ADAMTS9: variants seen among roughly 807,000 people sequenced by gnomAD.
ADAMTS9 encodes the protein ADAM metallopeptidase with thrombospondin type 1 motif 9, also known as A disintegrin and metalloproteinase with thrombospondin motifs 9.
Under a neutral mutation model 257.1 loss-of-function variants are expected in ADAMTS9, and 107 were observed. The ratio of observed to expected loss-of-function variants is 0.42; its 90% CI spans 0.36 to 0.49. The LOEUF (loss-of-function observed/expected upper bound fraction) is 0.49. Ranked by LOEUF, ADAMTS9 falls within the 20% of genes least tolerant of loss-of-function variation. ADAMTS9 has a pLI of 0.03. For missense variants in ADAMTS9, 2,353 were observed against 2,469.1 expected (o/e 0.95, Z 1.00); for synonymous variants, 982 against 880.9 (o/e 1.11, Z -2.03).
At chr3:64,582,752 A>G (rs1245250594) in intron 28 of ADAMTS9, 1 of 152,202 alleles carries the variant, frequency 6.6e-6, no homozygotes. Context: ...AAATATGAAT[A>G]GTGCCAAGGT....
chr3:64,573,702 T>C (rs569025484), intron 28 of ADAMTS9, among the ~76,000 whole-genome samples: 70 of 152,320 alleles, frequency 4.6e-4, no homozygotes, highest in African/African-American at 1.6e-3. Flanking sequence ...ATCTGGAAAG[T>C]ATGTCATCAG....
At chr3:64,543,015 G>C (rs1237272813) in intron 32 of ADAMTS9, among the ~76,000 whole-genome samples, 3 of 152,168 alleles carry the variant, frequency 2.0e-5, no homozygotes, top group Non-Finnish European at 4.4e-5. Flanking sequence ...AGAAAATCTA[G>C]AAGGAATGGA....
intron 36 of ADAMTS9, 65 bp from the exon 37 acceptor site, chr3:64,539,359 C>A: frequency 5.9e-6 from 8 of 1,350,760 alleles, no homozygotes; most frequent in Non-Finnish European, 8.5e-6. Context: ...AAGGAAGGAA[C>A]AGGACATTAA....
At chr3:64,550,676 G>T in intron 31 of ADAMTS9, 1 of 578,806 alleles carries the variant, frequency 1.7e-6, no homozygotes. Flanking sequence ...GACCTGAAGG[G>T]ACTTAGAGAC....
At chr3:64,663,627 G>T (rs1014986096) in intron 3 of ADAMTS9, among the ~76,000 whole-genome samples, 1 of 151,968 alleles carries the variant, frequency 6.6e-6, no homozygotes. Context: ...ATCAGAAAAA[G>T]GCTACAATTT....
intron 8 of ADAMTS9, among the ~76,000 whole-genome samples, chr3:64,653,297 G>A (rs931798442): frequency 3.3e-5 from 5 of 152,230 alleles, no homozygotes; most frequent in Non-Finnish European, 7.3e-5. Flanking sequence ...TAGAGACGAT[G>A]CTGACTAAGC....
In ADAMTS9 at chr3:64,594,447, A is replaced by G. The variant is rs2084324031; in HGVS notation, c.4180-13T>C. On this transcript the variant is annotated splice_polypyrimidine_tract_variant and intron_variant, in intron 27 of 39. Transcript: ENST00000498707. Reference sequence around the variant, plus strand: ...ACAGCTTAGTGCACTGGAAGAAGGAAAAGGAAGGCTGCAGTTATTTTGTCT... The same window carrying G: ...ACAGCTTAGTGCACTGGAAGAAGGAGAAGGAAGGCTGCAGTTATTTTGTCT... 1 of 1,604,984 alleles carries G rather than the reference A, an allele frequency of 6.2e-7. No homozygotes were observed.
chr3:64,619,360 G>C (rs1337466087), intron 19 of ADAMTS9, among the ~76,000 whole-genome samples: 1 of 152,092 alleles, frequency 6.6e-6, no homozygotes, highest in Non-Finnish European at 1.5e-5. Flanking sequence ...ACCCAGAATA[G>C]AATCCATGAG....
At chr3:64,546,008 T>C (rs567060010) in intron 32 of ADAMTS9, among the ~76,000 whole-genome samples, 2 of 152,330 alleles carry the variant, frequency 1.3e-5, no homozygotes, top group Non-Finnish European at 2.9e-5. Flanking sequence ...CCCAGTGCAA[T>C]GAAGTATTTC....
chr3:64,628,494 C>T (rs1378693978), intron 16 of ADAMTS9, among the ~76,000 whole-genome samples: 1 of 152,206 alleles, frequency 6.6e-6, no homozygotes. Context: ...AGTAAGGACA[C>T]TGCAGCCACA....
intron 16 of ADAMTS9, among the ~76,000 whole-genome samples, chr3:64,629,638 A>C (rs916050313): frequency 6.6e-6 from 1 of 152,228 alleles, no homozygotes; most frequent in African/African-American, 2.4e-5. Flanking sequence ...TTATCACTAT[A>C]ACACTATGGA....
intron 32 of ADAMTS9, among the ~76,000 whole-genome samples, chr3:64,543,828 G>A (rs1416358730): frequency 6.6e-6 from 1 of 152,188 alleles, no homozygotes; most frequent in Non-Finnish European, 1.5e-5. Flanking sequence ...AAGTCCAATT[G>A]TCCCTCTTTG....
chr3:64,561,402 A>G (rs550585795), intron 30 of ADAMTS9, 176 bp downstream of exon 30: 1 of 551,008 alleles, frequency 1.8e-6, no homozygotes, highest in East Asian at 3.2e-5. Flanking sequence ...AAAAACAAGA[A>G]GTTCTCCCAC....
chr3:64,528,243 G>A (rs1222752515), intron 38 of ADAMTS9, among the ~76,000 whole-genome samples: 1 of 152,180 alleles, frequency 6.6e-6, no homozygotes, highest in Non-Finnish European at 1.5e-5. Flanking sequence ...CTACCTGGAA[G>A]AGACCAAAAT....
intron 6 of ADAMTS9, among the ~76,000 whole-genome samples, chr3:64,655,301 T>A (rs1298887358): frequency 1.3e-5 from 2 of 152,138 alleles, no homozygotes; most frequent in African/African-American, 4.8e-5. Context: ...TCAACCAAGG[T>A]GATTCTGCCC....
chr3:64,602,111 G>T lies in ADAMTS9; in HGVS notation c.3850C>A (p.Pro1284Thr). 1 of 1,614,074 alleles carries T rather than the reference G, an allele frequency of 6.2e-7. No homozygotes were observed. The highest frequency in any genetic ancestry group is 8.5e-7 in the Non-Finnish European group (1 of 1,179,992). Residue 1284 changes from proline (P) to threonine (T), a missense_variant, in exon 26 of 40, where the codon CCA (proline) becomes ACA (threonine). By Grantham distance (38) the Pro-to-Thr change is conservative (BLOSUM62 -1). Coordinates refer to ENST00000498707, the MANE Select transcript of ADAMTS9 (RefSeq NM_182920.2). ...DRSECDQDYIPETDQDCSMSP... is the reference protein window; with the variant it reads ...DRSECDQDYITETDQDCSMSP... ...ATGGAACAGTCCTGGTCAGTTTCTG[G>T]GATATAATCCTGGTCACACTCACTC...
At chr3:64,546,185 T>C (rs1369377729) in intron 32 of ADAMTS9, among the ~76,000 whole-genome samples, 2 of 152,214 alleles carry the variant, frequency 1.3e-5, no homozygotes, top group East Asian at 1.9e-4. Flanking sequence ...TTTTTATATA[T>C]AGGCTGAGTA....
chr3:64,558,988 G>A (rs1471951802), intron 30 of ADAMTS9, among the ~76,000 whole-genome samples: 1 of 152,184 alleles, frequency 6.6e-6, no homozygotes, highest in Non-Finnish European at 1.5e-5. Flanking sequence ...GGATGTGAGA[G>A]GCGGTGGCAG....
In ADAMTS9 at chr3:64,577,921, C is replaced by G. The variant is rs533435420; in HGVS notation, c.4357-9386G>C. On this transcript the variant is annotated intron_variant, in intron 28 of 39. Transcript: ENST00000498707. ...GTTGCTTCCTCCAGTCTTACTTTCT[C>G]TGCCTGTCTGGCCCTTCTTCTGTAA... 7.2e-5 allele frequency among the ~76,000 whole-genome samples: 11 copies of G among 152,362 alleles called. 1 individual carries two copies. In the South Asian group the frequency reaches 2.3e-3, roughly 32 times the overall value.
Sources: gnomAD v4.1 joint callset for allele counts (sites outside exome capture counted in the v4.1 genomes callset) on GRCh38, gnomAD v4.1.1 for gene constraint, MANE v1.5 for transcripts, NCBI Gene and HGNC (gene_info 2026-07-23, HGNC 2026-07-21) for gene names.